The following SPTLC3 variants were observed in gnomAD, a reference collection of about 807,000 sequenced individuals.
SPTLC3 encodes serine palmitoyltransferase long chain base subunit 3.
A neutral mutation model predicts 59.3 loss-of-function variants in SPTLC3; 36 were observed. The observed-to-expected ratio is 0.61, with a 90% CI of 0.47 to 0.80. The LOEUF (loss-of-function observed/expected upper bound fraction) is 0.80, where lower values mean the gene tolerates loss of function less well. Ranked by LOEUF, SPTLC3 falls within the 30% of genes least tolerant of loss-of-function variation. The pLI, the probability that SPTLC3 is intolerant of heterozygous loss-of-function variation, is 0.00. For missense variants in SPTLC3, 625 were observed against 685.1 expected (o/e 0.91, Z 0.98); for synonymous variants, 257 against 240.8 (o/e 1.07, Z -0.62).
rs186355763 is a variant in SPTLC3, at chr20:13,110,250, G to T, written c.932+33G>T. 6 of 1,580,592 alleles carry T rather than the reference G, an allele frequency of 3.8e-6. No individual in the cohort carries two copies. The Admixed American group carries it at 1.0e-4, about 27-fold the overall frequency. On this transcript the variant is annotated intron_variant, in intron 7 of 11. Coordinates refer to ENST00000399002, the MANE Select transcript of SPTLC3 (RefSeq NM_018327.4). ...AATAACAGGACACATTTTACGACTCGGAGGCCTGCAGCAAGCTGACCAGTG... is the reference window on the plus strand; with the variant it reads ...AATAACAGGACACATTTTACGACTCTGAGGCCTGCAGCAAGCTGACCAGTG...
At chr20:13,013,545 G>A (rs1296103949) in intron 1 of SPTLC3, among the ~76,000 whole-genome samples, 1 of 152,008 alleles carries the variant, frequency 6.6e-6, no homozygotes, top group Non-Finnish European at 1.5e-5. Flanking sequence ...TTGTTTCTTG[G>A]CTCCTATTTC....
At chr20:13,039,342 A>G (rs1401768428) in intron 1 of SPTLC3, among the ~76,000 whole-genome samples, 1 of 152,086 alleles carries the variant, frequency 6.6e-6, no homozygotes, top group Non-Finnish European at 1.5e-5. Flanking sequence ...TTCCTAATGA[A>G]TTAATCATTT....
intron 2 of SPTLC3, among the ~76,000 whole-genome samples, chr20:13,055,254 G>GATAA (rs1331149438): frequency 2.0e-5 from 3 of 152,002 alleles, no homozygotes; most frequent in African/African-American, 4.8e-5. Flanking sequence ...AGTTATAAAG[G>GATAA]ATAAAGAAAC....
intron 5 of SPTLC3, among the ~76,000 whole-genome samples, chr20:13,092,904 C>T (rs146701000): frequency 3.0e-4 from 46 of 152,250 alleles, no homozygotes; most frequent in African/African-American, 1.1e-3. Flanking sequence ...GGGTAATTTA[C>T]AAGCAGTAAG....
At chr20:13,074,171 G>A (rs1047707521) in intron 3 of SPTLC3, 178 bp from the exon 4 acceptor site, 7 of 850,994 alleles carry the variant, frequency 8.2e-6, no homozygotes, top group South Asian at 5.5e-5. Flanking sequence ...CCAACCTCTA[G>A]GACAGACTGA....
chr20:13,020,513 G>A (rs1310328091), intron 1 of SPTLC3, among the ~76,000 whole-genome samples: 1 of 152,078 alleles, frequency 6.6e-6, no homozygotes, highest in African/African-American at 2.4e-5. Context: ...AGGCAACAGA[G>A]TGAGACCCTT....
At chr20:13,048,012 T>G (rs1487797729) in intron 1 of SPTLC3, among the ~76,000 whole-genome samples, 1 of 152,126 alleles carries the variant, frequency 6.6e-6, no homozygotes, top group Non-Finnish European at 1.5e-5. Context: ...CCTACTACAA[T>G]TAATAATTCT....
chr20:13,026,079 T>C (rs1331969112), intron 1 of SPTLC3, among the ~76,000 whole-genome samples: 2 of 152,236 alleles, frequency 1.3e-5, no homozygotes, highest in Non-Finnish European at 2.9e-5. Flanking sequence ...TATGGCTTCA[T>C]AGTGTTCCAT....
At chr20:13,097,636 G>A (rs911748727) in intron 6 of SPTLC3, among the ~76,000 whole-genome samples, 3 of 152,134 alleles carry the variant, frequency 2.0e-5, no homozygotes, top group Non-Finnish European at 4.4e-5. Flanking sequence ...GATGGACCCT[G>A]TGTGTCTCCA....
chr20:13,014,851 C>T (rs542816751), intron 1 of SPTLC3, among the ~76,000 whole-genome samples: 19 of 151,922 alleles, frequency 1.3e-4, no homozygotes, highest in African/African-American at 4.3e-4. Context: ...GAGGGATGCT[C>T]AGCACTTGTA....
chr20:13,026,462 C>T (rs2122410623), intron 1 of SPTLC3, among the ~76,000 whole-genome samples: 1 of 152,194 alleles, frequency 6.6e-6, no homozygotes, highest in Admixed American at 6.5e-5. Context: ...TTTTGATTTG[C>T]ATTTCTCTAA....
intron 11 of SPTLC3, among the ~76,000 whole-genome samples, chr20:13,161,958 A>G (rs2038904252): frequency 6.6e-6 from 1 of 152,206 alleles, no homozygotes; most frequent in Non-Finnish European, 1.5e-5. Context: ...CAACTGAGCT[A>G]ACCAGATTTT....
intron 1 of SPTLC3, among the ~76,000 whole-genome samples, chr20:13,044,376 AC>A (rs1320300240): frequency 6.6e-6 from 1 of 152,174 alleles, no homozygotes; most frequent in Non-Finnish European, 1.5e-5. Context: ...TGCTGGGATT[AC>A]AGGCATGAGC....
chr20:13,063,044 G>A (rs1988034686), intron 2 of SPTLC3, among the ~76,000 whole-genome samples: 1 of 152,208 alleles, frequency 6.6e-6, no homozygotes, highest in African/African-American at 2.4e-5. Flanking sequence ...CCAGTGAACA[G>A]TATCTAACAA....
intron 7 of SPTLC3, among the ~76,000 whole-genome samples, chr20:13,113,092 A>G (rs1252234007): frequency 6.6e-6 from 1 of 152,180 alleles, no homozygotes; most frequent in Admixed American, 6.5e-5. Context: ...CTAAGGCACA[A>G]GAATCACTTG....
chr20:13,044,379 G>T (rs566995090), intron 1 of SPTLC3, among the ~76,000 whole-genome samples: 10 of 152,240 alleles, frequency 6.6e-5, no homozygotes, highest in Admixed American at 4.6e-4. Context: ...TGGGATTACA[G>T]GCATGAGCCA....
At chr20:13,048,233 C>T (rs1486075346) in intron 1 of SPTLC3, among the ~76,000 whole-genome samples, 2 of 152,250 alleles carry the variant, frequency 1.3e-5, no homozygotes, top group Admixed American at 1.3e-4. Flanking sequence ...TGGATTTCCA[C>T]AGTTGCTCAA....
intron 1 of SPTLC3, among the ~76,000 whole-genome samples, chr20:13,039,006 C>CAT (rs1419978699): frequency 1.3e-5 from 2 of 152,068 alleles, no homozygotes; most frequent in Non-Finnish European, 2.9e-5. Flanking sequence ...ACATACTTTG[C>CAT]ATAATTTCAA....
In SPTLC3 at chr20:13,034,610, A is replaced by T. The variant is rs942754230; in HGVS notation, c.118-14335A>T. Among the ~76,000 whole-genome samples, 8 of 152,112 alleles carry T rather than the reference A, an allele frequency of 5.3e-5. 1 individual carries two copies. Among genetic ancestry groups the T allele is most frequent in the Admixed American group, 2.0e-4 (3 of 15,254 alleles). On this transcript the variant is annotated intron_variant, in intron 1 of 11. Transcript: ENST00000399002. ...ATATTTGCAGAGAGTGGCTGAAAACATCTACATCTGGGGAAAGATGCCAAC... is the reference window on the plus strand; with the variant it reads ...ATATTTGCAGAGAGTGGCTGAAAACTTCTACATCTGGGGAAAGATGCCAAC...
Sources: gnomAD v4.1 joint callset for allele counts (sites outside exome capture counted in the v4.1 genomes callset) on GRCh38, gnomAD v4.1.1 for gene constraint, MANE v1.5 for transcripts, NCBI Gene and HGNC (gene_info 2026-07-23, HGNC 2026-07-21) for gene names.